Variants in DCC observed in about 807,000 individuals in gnomAD.
DCC encodes the protein DCC netrin 1 receptor.
A neutral mutation model predicts 172.5 loss-of-function variants in DCC; 58 were observed. That is an observed-to-expected ratio of 0.34 (90% CI 0.27 to 0.42). The LOEUF (loss-of-function observed/expected upper bound fraction) is 0.42, where lower values mean the gene tolerates loss of function less well. DCC is among the 10% of genes least tolerant of loss of function. The pLI is 1.00. For synonymous variants in DCC, 709 were observed against 644.5 expected (o/e 1.10, Z -1.52); for missense variants, 1,740 against 1,791.0 (o/e 0.97, Z 0.51).
intron 1 of DCC, among the ~76,000 whole-genome samples, chr18:52,700,516 G>GC (rs765844598): frequency 1.6e-3 from 246 of 152,202 alleles, no homozygotes; most frequent in Non-Finnish European, 2.5e-3. Context: ...ACCTAAAATT[G>GC]CCCCCCACAG....
At chr18:53,481,559 C>T (rs2045832186) in intron 25 of DCC, among the ~76,000 whole-genome samples, 1 of 152,024 alleles carries the variant, frequency 6.6e-6, no homozygotes, top group South Asian at 2.1e-4. Flanking sequence ...ATATACAGGT[C>T]ATTGTGGAAA....
intron 1 of DCC, among the ~76,000 whole-genome samples, chr18:52,595,346 G>A (rs943546053): frequency 4.6e-5 from 7 of 151,978 alleles, no homozygotes; most frequent in Non-Finnish European, 7.4e-5. Context: ...TAGTCTTTGC[G>A]TGAAAGAACT....
chr18:53,162,656 T>C (rs2054861440), intron 8 of DCC, among the ~76,000 whole-genome samples: 3 of 152,294 alleles, frequency 2.0e-5, no homozygotes, highest in African/African-American at 4.8e-5. Flanking sequence ...GCCTAGGATG[T>C]TCTTCTCCTC....
chr18:53,507,825 C>G (rs1396845622), intron 27 of DCC, among the ~76,000 whole-genome samples: 1 of 151,858 alleles, frequency 6.6e-6, no homozygotes, highest in Non-Finnish European at 1.5e-5. Flanking sequence ...GATTCTTTTA[C>G]CCAGCAAGTT....
chr18:52,850,190 A>G (rs1156277084), intron 2 of DCC, among the ~76,000 whole-genome samples: 1 of 152,186 alleles, frequency 6.6e-6, no homozygotes, highest in Non-Finnish European at 1.5e-5. Context: ...GCAGAGCTTA[A>G]AGGAATATTT....
chr18:53,286,076 G>C (rs1242363558), intron 12 of DCC, among the ~76,000 whole-genome samples: 1 of 152,184 alleles, frequency 6.6e-6, no homozygotes, highest in Non-Finnish European at 1.5e-5. Context: ...CCTTGTCTCA[G>C]ATGAGACTTT....
At chr18:52,954,466 G>A (rs1230293689) in intron 5 of DCC, among the ~76,000 whole-genome samples, 1 of 152,090 alleles carries the variant, frequency 6.6e-6, no homozygotes, top group East Asian at 1.9e-4. Context: ...AAAAATTACA[G>A]TAGTAAGACA....
intron 1 of DCC, among the ~76,000 whole-genome samples, chr18:52,701,106 T>C (rs956382575): frequency 6.6e-6 from 1 of 152,224 alleles, no homozygotes; most frequent in African/African-American, 2.4e-5. Context: ...TAAGGACTTA[T>C]CTAATATCAT....
intron 2 of DCC, among the ~76,000 whole-genome samples, chr18:52,811,933 A>G (rs939043170): frequency 2.6e-5 from 4 of 152,168 alleles, no homozygotes; most frequent in African/African-American, 9.7e-5. Context: ...AATCTCAACT[A>G]TGTTTTGTAT....
chr18:52,604,639 G>A (rs1262992064), intron 1 of DCC, among the ~76,000 whole-genome samples: 1 of 152,108 alleles, frequency 6.6e-6, no homozygotes, highest in Admixed American at 6.6e-5. Context: ...TGACATCTCA[G>A]AGGCCAGAAT....
chr18:52,903,843 A>T (rs938085300), intron 2 of DCC, among the ~76,000 whole-genome samples: 2 of 152,222 alleles, frequency 1.3e-5, no homozygotes, highest in Non-Finnish European at 2.9e-5. Context: ...TACATGCCTT[A>T]AATCCATACC....
At chr18:53,274,399 T>G (rs1303707723) in intron 12 of DCC, among the ~76,000 whole-genome samples, 1 of 152,130 alleles carries the variant, frequency 6.6e-6, no homozygotes, top group African/African-American at 2.4e-5. Context: ...AGGAACAACT[T>G]TGCTATGTAA....
chr18:52,402,703 T>C (rs1986487489), intron 1 of DCC, among the ~76,000 whole-genome samples: 1 of 152,036 alleles, frequency 6.6e-6, no homozygotes, highest in Admixed American at 6.6e-5. Flanking sequence ...AACCCTCCTT[T>C]ATATACTGTC....
At chr18:53,261,794 C>A (rs146728157) in intron 12 of DCC, among the ~76,000 whole-genome samples, 2 of 152,202 alleles carry the variant, frequency 1.3e-5, no homozygotes, top group Non-Finnish European at 2.9e-5. Flanking sequence ...CCACTGCGAC[C>A]GGCCATTTAT....
At chr18:52,402,096 T>G (rs1238732295) in intron 1 of DCC, among the ~76,000 whole-genome samples, 2 of 152,024 alleles carry the variant, frequency 1.3e-5, no homozygotes, top group Non-Finnish European at 2.9e-5. Flanking sequence ...TCAGTGCCCA[T>G]GGACATATCT....
intron 12 of DCC, among the ~76,000 whole-genome samples, chr18:53,225,901 T>C (rs774301420): frequency 6.6e-6 from 1 of 152,072 alleles, no homozygotes; most frequent in African/African-American, 2.4e-5. Flanking sequence ...GGGGGATTAA[T>C]AGTTTTTGCA....
At chr18:53,275,938 A>G (rs572217581) in intron 12 of DCC, among the ~76,000 whole-genome samples, 21 of 152,240 alleles carry the variant, frequency 1.4e-4, no homozygotes, top group African/African-American at 4.8e-4. Flanking sequence ...TTTTCAGGCC[A>G]TTAGTAAAAT....
At chr18:52,523,454 G>C (rs1145264) in intron 1 of DCC, among the ~76,000 whole-genome samples, 140,253 of 152,246 alleles carry the variant, frequency 0.92, 64,751 homozygotes, top group East Asian at 0.99. Context: ...ACTTGTTTAT[G>C]TAGAAGTGTG....
At chr18:53,527,352 A>G (rs147083761) in intron 28 of DCC, among the ~76,000 whole-genome samples, 215 of 151,934 alleles carry the variant, frequency 1.4e-3, no homozygotes, top group African/African-American at 5.0e-3. Context: ...CCAAGTAGCT[A>G]AGACTATAGG....
Sources: allele counts gnomAD v4.1 joint callset (sites outside exome capture counted in the v4.1 genomes callset), GRCh38; gene constraint gnomAD v4.1.1; transcripts MANE v1.5; gene names NCBI Gene and HGNC (gene_info 2026-07-23, HGNC 2026-07-21).